Variants in VWA8 observed in about 807,000 individuals in gnomAD.
The protein encoded by VWA8 is von Willebrand factor A domain-containing protein 8.
Under a neutral mutation model 241.5 loss-of-function variants are expected in VWA8, and 221 were observed. The ratio of observed to expected loss-of-function variants is 0.91; its 90% CI spans 0.82 to 1.02. VWA8 has a LOEUF of 1.02. VWA8 is among the 50% of genes least tolerant of loss of function. VWA8 has a pLI of 0.00. For synonymous variants in VWA8, 852 were observed against 827.1 expected, an observed-to-expected ratio of 1.03 and a Z score of -0.52; for missense variants, 2,322 against 2,328.7, an observed-to-expected ratio of 1.00 and a Z score of 0.06.
intron 4 of VWA8, among the ~76,000 whole-genome samples, chr13:41,906,212 A>G (rs1278646130): frequency 6.6e-6 from 1 of 152,110 alleles, no homozygotes; most frequent in Admixed American, 6.5e-5. Flanking sequence ...CTTTCCACTC[A>G]GTGATTTTTT....
chr13:41,582,102 G>A (rs1055362860), intron 42 of VWA8, among the ~76,000 whole-genome samples: 19 of 152,180 alleles, frequency 1.2e-4, no homozygotes, highest in Non-Finnish European at 2.9e-5. Context: ...GACCTACTGT[G>A]AATGCTATTC....
At chr13:41,792,794 AG>A (rs1160814814) in intron 17 of VWA8, among the ~76,000 whole-genome samples, 1 of 147,836 alleles carries the variant, frequency 6.8e-6, no homozygotes, top group Admixed American at 6.7e-5. Context: ...GATATTTATT[AG>A]ATTATTCTTA....
chr13:41,602,447 G>A (rs1422773477), intron 40 of VWA8, among the ~76,000 whole-genome samples: 1 of 152,044 alleles, frequency 6.6e-6, no homozygotes, highest in Non-Finnish European at 1.5e-5. Flanking sequence ...TAAAGCGGGG[G>A]CAAAAGATGG....
intron 2 of VWA8, among the ~76,000 whole-genome samples, chr13:41,925,446 A>C (rs1182671094): frequency 6.6e-6 from 1 of 152,248 alleles, no homozygotes; most frequent in Non-Finnish European, 1.5e-5. Context: ...ACTAAAGCTA[A>C]AATAAGTTGT....
chr13:41,944,602 A>G (rs4389054), intron 2 of VWA8, among the ~76,000 whole-genome samples: 89 of 152,286 alleles, frequency 5.8e-4, no homozygotes, highest in Middle Eastern at 6.8e-3. Flanking sequence ...CGTGAGCCCA[A>G]TTGTTTTACA....
chr13:41,957,315 A>G (rs866993412), intron 1 of VWA8, among the ~76,000 whole-genome samples: 5 of 152,206 alleles, frequency 3.3e-5, no homozygotes, highest in Admixed American at 1.3e-4. Context: ...ACTTGCCGCT[A>G]TGTAAGACGT....
chr13:41,671,576 C>T (rs910945674), intron 36 of VWA8, among the ~76,000 whole-genome samples: 3 of 151,656 alleles, frequency 2.0e-5, no homozygotes, highest in African/African-American at 7.3e-5. Flanking sequence ...TATGTTGAAG[C>T]CCTAACCCCC....
At chr13:41,575,719 G>A (rs779683392) in intron 43 of VWA8, 21 bp downstream of exon 43, 1 of 1,536,098 alleles carries the variant, frequency 6.5e-7, no homozygotes, top group Non-Finnish European at 9.0e-7. Flanking sequence ...TCATAATACA[G>A]AGGTAATAAA....
At chr13:41,612,861 T>C (rs993627183) in intron 38 of VWA8, among the ~76,000 whole-genome samples, 7 of 152,196 alleles carry the variant, frequency 4.6e-5, no homozygotes, top group Admixed American at 4.6e-4. Flanking sequence ...GGGGAACTAC[T>C]TAACTTCTCT....
At chr13:41,579,910 G>C (rs115306566) in intron 42 of VWA8, among the ~76,000 whole-genome samples, 1 of 152,086 alleles carries the variant, frequency 6.6e-6, no homozygotes, top group Non-Finnish European at 1.5e-5. Context: ...GCACTGGTAC[G>C]ATCACAGCTC....
At chr13:41,719,412 A>G in intron 26 of VWA8, 179 bp downstream of exon 26, 1 of 1,426,700 alleles carries the variant, frequency 7.0e-7, no homozygotes. Context: ...TTTTCAATTT[A>G]CAGGCCTATA....
chr13:41,887,169 C>A (rs1874584719), intron 6 of VWA8, 28 bp downstream of exon 6: 1 of 1,588,538 alleles, frequency 6.3e-7, no homozygotes, highest in African/African-American at 1.4e-5. Context: ...AACTGTTTAA[C>A]AAATAAATTA....
rs547929567 is a variant in VWA8 at position 41,719,751 on chromosome 13, A to G, written c.2965-9T>C. The G allele has an allele frequency of 3.1e-6, 5 of 1,604,536 alleles. No homozygotes were observed. The East Asian group carries it at 6.7e-5, about 22-fold the overall frequency. On this transcript the variant is annotated splice_polypyrimidine_tract_variant and intron_variant, in intron 25 of 44. Transcript: ENST00000379310. Reference sequence around the variant, plus strand: ...CCTTCAGTCGGAAATTTCTGTATTAAAAAAAAATTCCCTTATTATGCATGT... The same window carrying G: ...CCTTCAGTCGGAAATTTCTGTATTAGAAAAAAATTCCCTTATTATGCATGT...
At chr13:41,885,862 T>G in intron 8 of VWA8, 58 bp downstream of exon 8, 1 of 1,268,512 alleles carries the variant, frequency 7.9e-7, no homozygotes, top group South Asian at 1.4e-5. Context: ...CCCTAATGAT[T>G]AACTTTCAAA....
At chr13:41,831,694 A>C (rs142406375) in intron 13 of VWA8, among the ~76,000 whole-genome samples, 1 of 141,764 alleles carries the variant, frequency 7.1e-6, no homozygotes, top group Non-Finnish European at 1.5e-5. Context: ...ATCTAGGCTC[A>C]CTGCAACCTC....
At chr13:41,872,097 A>G (rs1194930166) in intron 9 of VWA8, among the ~76,000 whole-genome samples, 2 of 152,192 alleles carry the variant, frequency 1.3e-5, no homozygotes, top group African/African-American at 4.8e-5. Flanking sequence ...GGCTGCATAA[A>G]TGTCTTCTTT....
At chr13:41,684,121 A>G (rs1254081465) in intron 35 of VWA8, among the ~76,000 whole-genome samples, 4 of 152,156 alleles carry the variant, frequency 2.6e-5, no homozygotes, top group Admixed American at 2.6e-4. Context: ...TAGAATTGTC[A>G]GTTTATTCAT....
At chr13:41,578,269 T>C (rs1023031) in intron 42 of VWA8, among the ~76,000 whole-genome samples, 42,531 of 151,972 alleles carry the variant, frequency 0.28, 7,069 homozygotes, top group African/African-American at 0.46. Context: ...GACACCTAAG[T>C]GACAGGATGG....
intron 35 of VWA8, among the ~76,000 whole-genome samples, chr13:41,680,703 C>T (rs1298691804): frequency 6.6e-6 from 1 of 152,096 alleles, no homozygotes; most frequent in African/African-American, 2.4e-5. Flanking sequence ...ACCAGGATCC[C>T]CTTTATGCTA....
Sources: gnomAD v4.1 joint callset for allele counts (sites outside exome capture counted in the v4.1 genomes callset) on GRCh38, gnomAD v4.1.1 for gene constraint, MANE v1.5 for transcripts, NCBI Gene and HGNC (gene_info 2026-07-23, HGNC 2026-07-21) for gene names.